Variants in BMPR1B observed in about 807,000 individuals in gnomAD.
BMPR1B encodes the protein bone morphogenetic protein receptor type 1B.
A neutral mutation model predicts 59.1 loss-of-function variants in BMPR1B; 12 were observed. The ratio of observed to expected loss-of-function variants is 0.20; its 90% CI spans 0.13 to 0.33. The LOEUF is 0.33. Among genes scored for constraint, BMPR1B ranks in the 10% least tolerant of loss-of-function variants. The pLI, the probability that BMPR1B is intolerant of heterozygous loss-of-function variation, is 1.00. For synonymous variants in BMPR1B, 237 were observed against 207.3 expected (o/e 1.14, Z -1.23); for missense variants, 550 against 610.9 (o/e 0.90, Z 1.05).
intron 2 of BMPR1B, among the ~76,000 whole-genome samples, chr4:94,941,324 C>T (rs985575633): frequency 5.3e-5 from 8 of 151,128 alleles, no homozygotes; most frequent in African/African-American, 9.7e-5. Flanking sequence ...CCCAGCTACC[C>T]GGGAGGCTGA....
At chr4:94,953,164 G>T (rs1489486464) in intron 2 of BMPR1B, among the ~76,000 whole-genome samples, 1 of 152,070 alleles carries the variant, frequency 6.6e-6, no homozygotes, top group African/African-American at 2.4e-5. Context: ...CTCTGCACGT[G>T]AGATGGGTTT....
intron 1 of BMPR1B, among the ~76,000 whole-genome samples, chr4:94,849,578 G>T (rs1725486312): frequency 6.6e-6 from 1 of 152,048 alleles, no homozygotes; most frequent in Non-Finnish European, 1.5e-5. Context: ...TGATCTAGTA[G>T]AGAGAGAAAA....
At position 95,148,765 on chromosome 4, in the gene BMPR1B, A is replaced by T. The variant is rs1385960904; in HGVS notation, c.1094A>T (p.Asp365Val). The T allele has an allele frequency of 4.3e-6, 7 of 1,613,854 alleles. No homozygotes were observed. Among genetic ancestry groups the T allele is most frequent in the African/African-American group, 1.3e-5 (1 of 74,906 alleles). The change falls in exon 11 of 13, where the codon GAC becomes GTC. Residue 365 changes from aspartate to valine, a missense_variant. By Grantham distance (152) the Asp-to-Val change is radical. This residue lies in a region of BMPR1B where 318 missense variants were observed against 284.6 expected (regional missense o/e 1.12). Coordinates refer to ENST00000515059, the MANE Select transcript of BMPR1B (RefSeq NM_001203.3). ...VKFISDTNEV[D>V]IPPNTRVGTK... ...TTCCTTAGTGATACAAATGAAGTTG[A>T]CATACCACCTAACACTCGAGTTGGC...
chr4:95,068,538 C>T (rs1172698530), intron 3 of BMPR1B, among the ~76,000 whole-genome samples: 1 of 152,120 alleles, frequency 6.6e-6, no homozygotes, highest in African/African-American at 2.4e-5. Flanking sequence ...ACATGGGATG[C>T]TAGGAGCAAC....
At chr4:94,854,420 T>C (rs1725677455) in intron 1 of BMPR1B, among the ~76,000 whole-genome samples, 1 of 152,136 alleles carries the variant, frequency 6.6e-6, no homozygotes, top group African/African-American at 2.4e-5. Context: ...TGAAAAAGTT[T>C]TGTTGTATCA....
At chr4:94,776,191 C>G (rs1323603348) in intron 1 of BMPR1B, among the ~76,000 whole-genome samples, 1 of 151,472 alleles carries the variant, frequency 6.6e-6, no homozygotes, top group Non-Finnish European at 1.5e-5. Flanking sequence ...ACTATTTCCT[C>G]TGTATTAAAA....
chr4:94,893,304 A>G (rs1727468191), intron 2 of BMPR1B, among the ~76,000 whole-genome samples: 1 of 152,010 alleles, frequency 6.6e-6, no homozygotes, highest in African/African-American at 2.4e-5. Context: ...TAGTGTTTAT[A>G]GTCCATCCCA....
chr4:94,841,750 G>A (rs1199785656), intron 1 of BMPR1B, among the ~76,000 whole-genome samples: 1 of 152,074 alleles, frequency 6.6e-6, no homozygotes, highest in Non-Finnish European at 1.5e-5. Flanking sequence ...CTGTAGACCG[G>A]AGCTGTTCCT....
intron 3 of BMPR1B, among the ~76,000 whole-genome samples, chr4:95,065,489 A>G (rs1727731981): frequency 6.6e-6 from 1 of 152,222 alleles, no homozygotes; most frequent in South Asian, 2.1e-4. Context: ...CATAGGCGTG[A>G]TAATCAAATT....
At chr4:95,150,904 G>A (rs1734991945) in intron 11 of BMPR1B, among the ~76,000 whole-genome samples, 1 of 152,178 alleles carries the variant, frequency 6.6e-6, no homozygotes, top group African/African-American at 2.4e-5. Flanking sequence ...AAACGCATTT[G>A]TGAGAATTTA....
At chr4:94,870,855 GGAA>G (rs754073976) in intron 1 of BMPR1B, among the ~76,000 whole-genome samples, 1 of 152,078 alleles carries the variant, frequency 6.6e-6, no homozygotes, top group Non-Finnish European at 1.5e-5. Flanking sequence ...CATTAACGTT[GGAA>G]GGTGTCTTTT....
intron 3 of BMPR1B, among the ~76,000 whole-genome samples, chr4:95,038,531 C>T (rs558572579): frequency 1.8e-3 from 279 of 152,226 alleles, no homozygotes; most frequent in African/African-American, 6.3e-3. Context: ...AGAGTGAGGC[C>T]AAATCCTCTA....
chr4:95,021,807 T>C (rs529511669), intron 3 of BMPR1B, among the ~76,000 whole-genome samples: 86 of 152,336 alleles, frequency 5.6e-4, no homozygotes, highest in Middle Eastern at 3.4e-3. Flanking sequence ...GCTTGGAGAT[T>C]GGCGGAAATA....
At chr4:95,000,661 G>A (rs1722381542) in intron 3 of BMPR1B, among the ~76,000 whole-genome samples, 1 of 152,028 alleles carries the variant, frequency 6.6e-6, no homozygotes, top group South Asian at 2.1e-4. Flanking sequence ...TCTTTGGTAT[G>A]GACGTAGAAA....
rs184799877 is a variant in BMPR1B at position 94,982,241 on chromosome 4, T to C, written c.-112-13799T>C. On this transcript the variant is annotated intron_variant, in intron 2 of 12. Transcript: ENST00000515059. ...AGCATTTCAAGAATTGCTTTCATTT[T>C]TGTTATTCTTAAAGAGAATTTACTT... is the stretch of plus-strand genomic sequence containing the variant. Among the ~76,000 whole-genome samples the C allele has an allele frequency of 5.4e-3, 825 of 152,330 alleles. 1 individual carries two copies. The highest frequency in any genetic ancestry group is 0.017 in the Middle Eastern group (5 of 294).
intron 6 of BMPR1B, among the ~76,000 whole-genome samples, chr4:95,120,495 C>T (rs1271793101): frequency 3.9e-5 from 6 of 152,012 alleles, no homozygotes; most frequent in Admixed American, 6.6e-5. Flanking sequence ...ATGGTATGAT[C>T]GTATACTTAG....
intron 1 of BMPR1B, among the ~76,000 whole-genome samples, 190 bp from the exon 2 acceptor site, chr4:94,875,641 G>A (rs1726696604): frequency 1.3e-5 from 2 of 152,252 alleles, no homozygotes; most frequent in Admixed American, 1.3e-4. Context: ...CCAAGATCGC[G>A]CCGCTGCACT....
intron 10 of BMPR1B, among the ~76,000 whole-genome samples, chr4:95,148,198 A>G (rs1287551991): frequency 6.6e-6 from 1 of 152,164 alleles, no homozygotes; most frequent in Non-Finnish European, 1.5e-5. Flanking sequence ...TAAGAGCTTT[A>G]CAACAGCTGG....
At chr4:95,111,152 C>A (rs908251330) in intron 4 of BMPR1B, among the ~76,000 whole-genome samples, 1 of 152,120 alleles carries the variant, frequency 6.6e-6, no homozygotes, top group African/African-American at 2.4e-5. Flanking sequence ...TGCAACTGAG[C>A]AGATAGATAC....
Sources: gnomAD v4.1 joint callset for allele counts (sites outside exome capture counted in the v4.1 genomes callset) on GRCh38, gnomAD v4.1.1 for gene constraint, gnomAD v4.1.1 regional missense constraint, MANE v1.5 for transcripts, NCBI Gene and HGNC (gene_info 2026-07-23, HGNC 2026-07-21) for gene names.